PARD3B: variants seen among roughly 807,000 people sequenced by gnomAD.
PARD3B encodes the protein par-3 family cell polarity regulator beta, also known as partitioning defective 3 homolog B.
In PARD3B, 103 loss-of-function variants were observed where a neutral mutation model predicts 130.2. That is an observed-to-expected ratio of 0.79 (90% CI 0.67 to 0.93). The LOEUF (loss-of-function observed/expected upper bound fraction) is 0.93. Ranked by LOEUF, PARD3B falls within the 40% of genes least tolerant of loss-of-function variation. The pLI, the probability that PARD3B is intolerant of heterozygous loss-of-function variation, is 0.00. For synonymous variants in PARD3B, 583 were observed against 553.2 expected, an observed-to-expected ratio of 1.05 and a Z score of -0.76; for missense variants, 1,609 against 1,499.2, an observed-to-expected ratio of 1.07 and a Z score of -1.21.
At chr2:204,641,020 A>G (rs7565896) in intron 1 of PARD3B, among the ~76,000 whole-genome samples, 16,880 of 147,732 alleles carry the variant, frequency 0.11, 2,215 homozygotes, top group African/African-American at 0.32. Context: ...GAAAGTATGT[A>G]TATATTTACT....
chr2:205,509,451 C>G (rs1452820129), intron 21 of PARD3B, among the ~76,000 whole-genome samples: 1 of 152,052 alleles, frequency 6.6e-6, no homozygotes, highest in Admixed American at 6.6e-5. Context: ...ACCATTAATT[C>G]CCCTACCTCC....
chr2:205,052,082 G>A (rs918216339), intron 4 of PARD3B, among the ~76,000 whole-genome samples: 2 of 151,948 alleles, frequency 1.3e-5, no homozygotes, highest in Non-Finnish European at 2.9e-5. Context: ...GGTGTTCTTG[G>A]CTTAAGGGCA....
At chr2:204,574,470 A>T (rs1236815860) in intron 1 of PARD3B, among the ~76,000 whole-genome samples, 2 of 152,142 alleles carry the variant, frequency 1.3e-5, no homozygotes, top group Non-Finnish European at 2.9e-5. Context: ...AACATCTGTG[A>T]GAGGTTATAG....
chr2:204,992,887 G>C (rs1276063382), intron 3 of PARD3B, among the ~76,000 whole-genome samples: 1 of 140,004 alleles, frequency 7.1e-6, no homozygotes, highest in Non-Finnish European at 1.5e-5. Flanking sequence ...TTTGTCTGTT[G>C]GTGCTGTATA....
intron 1 of PARD3B, among the ~76,000 whole-genome samples, chr2:204,609,449 A>G (rs1440628008): frequency 6.6e-6 from 1 of 152,170 alleles, no homozygotes; most frequent in African/African-American, 2.4e-5. Flanking sequence ...GGTTTTATAC[A>G]TTTTAGGGAG....
At chr2:204,986,229 T>C (rs984973539) in intron 3 of PARD3B, among the ~76,000 whole-genome samples, 13 of 152,110 alleles carry the variant, frequency 8.5e-5, no homozygotes, top group South Asian at 2.1e-4. Context: ...TGTGTCACCT[T>C]TGCTGACTGC....
chr2:205,600,130 G>A (rs2054726745), intron 22 of PARD3B, among the ~76,000 whole-genome samples: 1 of 152,146 alleles, frequency 6.6e-6, no homozygotes, highest in Admixed American at 6.5e-5. Flanking sequence ...TATTGGAATG[G>A]TCCATTGGAA....
chr2:205,437,787 G>A (rs906673038), intron 19 of PARD3B, among the ~76,000 whole-genome samples: 3 of 152,078 alleles, frequency 2.0e-5, no homozygotes, highest in South Asian at 2.1e-4. Context: ...CAATTCAAAC[G>A]CAGTTTGCTC....
intron 18 of PARD3B, among the ~76,000 whole-genome samples, chr2:205,371,754 G>A (rs781144446): frequency 2.0e-5 from 3 of 152,258 alleles, no homozygotes; most frequent in African/African-American, 7.2e-5. Context: ...ACCGTTTGAA[G>A]TGTAGAATCC....
At chr2:204,683,617 A>G (rs1417642872) in intron 1 of PARD3B, among the ~76,000 whole-genome samples, 1 of 152,170 alleles carries the variant, frequency 6.6e-6, no homozygotes, top group Admixed American at 6.5e-5. Context: ...TGGTTTATTG[A>G]CATTTTGCCC....
intron 20 of PARD3B, among the ~76,000 whole-genome samples, chr2:205,447,407 C>T (rs547015095): frequency 3.9e-5 from 6 of 152,274 alleles, no homozygotes; most frequent in African/African-American, 1.4e-4. Flanking sequence ...GATGGAGCTT[C>T]ACTCTTGTTG....
chr2:205,298,335 GT>G (rs2041867815), intron 16 of PARD3B, among the ~76,000 whole-genome samples: 2 of 152,004 alleles, frequency 1.3e-5, no homozygotes, highest in South Asian at 4.1e-4. Context: ...GATGCCTTTT[GT>G]TTTCTTGTCA....
chr2:205,109,644 C>A (rs561314938), intron 5 of PARD3B, among the ~76,000 whole-genome samples: 1 of 133,926 alleles, frequency 7.5e-6, no homozygotes, highest in East Asian at 2.3e-4. Flanking sequence ...TAGGGAAATA[C>A]CTAATCTTTT....
intron 18 of PARD3B, among the ~76,000 whole-genome samples, chr2:205,392,904 A>C (rs539068237): frequency 2.6e-4 from 40 of 152,330 alleles, no homozygotes; most frequent in South Asian, 4.1e-4. Context: ...AAATCTGTTT[A>C]TTATTCTATC....
chr2:204,998,617 A>G (rs1273308267), intron 3 of PARD3B, among the ~76,000 whole-genome samples: 2 of 150,940 alleles, frequency 1.3e-5, no homozygotes, highest in Non-Finnish European at 2.9e-5. Flanking sequence ...TCTAATCACT[A>G]AAAGTTTTTG....
chr2:204,866,379 A>G (rs990834105), intron 2 of PARD3B, among the ~76,000 whole-genome samples: 1 of 152,172 alleles, frequency 6.6e-6, no homozygotes, highest in African/African-American at 2.4e-5. Flanking sequence ...GGATTGGTAC[A>G]TAGTTAGTAC....
At chr2:204,567,281 A>G (rs955611582) in intron 1 of PARD3B, among the ~76,000 whole-genome samples, 2 of 151,958 alleles carry the variant, frequency 1.3e-5, no homozygotes, top group Non-Finnish European at 2.9e-5. Flanking sequence ...AAGTATATTC[A>G]TATTGTTGTG....
rs150115882 is a variant in PARD3B at position 204,707,171 on chromosome 2, C to G, written c.222+20889C>G. ...CTGTGTGTTTCTGTGCACTCTCCTA[C>G]ACATGCATATGTGTGCTCTAATGCC... On this transcript the variant is annotated intron_variant, in intron 2 of 22. Transcript: ENST00000406610. Among the ~76,000 whole-genome samples the G allele has an allele frequency of 1.2e-3, 177 of 152,276 alleles. 3 individuals carry two copies. The East Asian group carries it at 0.029, about 25-fold the overall frequency.
At chr2:204,624,174 C>T (rs976949332) in intron 1 of PARD3B, among the ~76,000 whole-genome samples, 1 of 152,000 alleles carries the variant, frequency 6.6e-6, no homozygotes, top group African/African-American at 2.4e-5. Context: ...AAATCCCAAG[C>T]AATCTGGTTT....
Sources: gnomAD v4.1 joint callset for allele counts (sites outside exome capture counted in the v4.1 genomes callset) on GRCh38, gnomAD v4.1.1 for gene constraint, MANE v1.5 for transcripts, NCBI Gene and HGNC (gene_info 2026-07-23, HGNC 2026-07-21) for gene names.